The following LRRC4C variants were observed in gnomAD, a reference collection of about 807,000 sequenced individuals.
The protein encoded by LRRC4C is leucine-rich repeat-containing protein 4C.
Under a neutral mutation model 33.6 loss-of-function variants are expected in LRRC4C, and 5 were observed. The observed-to-expected ratio is 0.15, with a 90% CI of 0.08 to 0.31. LRRC4C has a LOEUF of 0.31. Ranked by LOEUF, LRRC4C falls within the 10% of genes least tolerant of loss-of-function variation. The pLI, the probability that LRRC4C is intolerant of heterozygous loss-of-function variation, is 1.00. For synonymous variants in LRRC4C, 329 were observed against 302.0 expected, an observed-to-expected ratio of 1.09 and a Z score of -0.93; for missense variants, 560 against 796.7, an observed-to-expected ratio of 0.70 and a Z score of 3.58.
intron 1 of LRRC4C, among the ~76,000 whole-genome samples, chr11:41,017,229 A>T (rs1244517848): frequency 6.6e-6 from 1 of 152,176 alleles, no homozygotes; most frequent in Non-Finnish European, 1.5e-5. Context: ...AGTTGAACAA[A>T]CATTTGGGTC....
intron 2 of LRRC4C, among the ~76,000 whole-genome samples, chr11:40,670,930 A>G (rs923874854): frequency 6.6e-6 from 1 of 151,930 alleles, no homozygotes; most frequent in Non-Finnish European, 1.5e-5. Context: ...CGCCCTGCTA[A>G]TTTTTTGTAT....
At chr11:40,143,090 A>G (rs1857483952) in intron 5 of LRRC4C, among the ~76,000 whole-genome samples, 1 of 152,038 alleles carries the variant, frequency 6.6e-6, no homozygotes, top group Non-Finnish European at 1.5e-5. Flanking sequence ...GGATTGTATC[A>G]CCTCTACATC....
At chr11:40,484,043 C>T (rs551576242) in intron 3 of LRRC4C, among the ~76,000 whole-genome samples, 6 of 151,844 alleles carry the variant, frequency 4.0e-5, no homozygotes, top group South Asian at 2.1e-4. Flanking sequence ...ATCAATTTGG[C>T]GAAAATTTTG....
chr11:40,772,698 TA>T (rs1370768534), intron 2 of LRRC4C, among the ~76,000 whole-genome samples: 1 of 152,132 alleles, frequency 6.6e-6, no homozygotes, highest in Non-Finnish European at 1.5e-5. Context: ...ACACAGGCAA[TA>T]ATGAATACTG....
chr11:41,447,720 C>A (rs570201441), intron 1 of LRRC4C, among the ~76,000 whole-genome samples: 20 of 152,082 alleles, frequency 1.3e-4, no homozygotes, highest in African/African-American at 4.8e-4. Context: ...CCACAATCTA[C>A]GACACAAAAA....
At chr11:41,253,611 C>T (rs1329187083) in intron 1 of LRRC4C, among the ~76,000 whole-genome samples, 3 of 152,096 alleles carry the variant, frequency 2.0e-5, no homozygotes, top group African/African-American at 7.2e-5. Flanking sequence ...AGGTACATAA[C>T]ACTAACCAAG....
rs114460953 is a variant in LRRC4C at position 40,412,716 on chromosome 11, G to A, written c.-269-92995C>T. On this transcript the variant is annotated intron_variant, in intron 3 of 6. Coordinates refer to ENST00000528697, the MANE Select transcript of LRRC4C (RefSeq NM_001258419.2). Reference sequence around the variant, plus strand: ...GATTGTAGTTAAGAGCATTTGTCCCGGAGTTAGGCTATGAAGGCTCAAATT... The same window carrying A: ...GATTGTAGTTAAGAGCATTTGTCCCAGAGTTAGGCTATGAAGGCTCAAATT... Among the ~76,000 whole-genome samples, 856 of 152,016 alleles carry A rather than the reference G, an allele frequency of 5.6e-3. 9 individuals carry two copies. The highest frequency in any genetic ancestry group is 0.02 in the African/African-American group (816 of 41,488).
At chr11:40,921,306 C>T (rs1335896097) in intron 2 of LRRC4C, among the ~76,000 whole-genome samples, 1 of 152,068 alleles carries the variant, frequency 6.6e-6, no homozygotes, top group Non-Finnish European at 1.5e-5. Context: ...AAATTTGAAA[C>T]AGAAAAGTAA....
At chr11:40,151,054 C>T (rs996757483) in intron 5 of LRRC4C, among the ~76,000 whole-genome samples, 6 of 152,150 alleles carry the variant, frequency 3.9e-5, no homozygotes, top group African/African-American at 1.4e-4. Flanking sequence ...CAAGGGATCA[C>T]CTCCACCTCC....
intron 5 of LRRC4C, among the ~76,000 whole-genome samples, chr11:40,206,684 A>C (rs1863182349): frequency 6.6e-6 from 1 of 152,138 alleles, no homozygotes; most frequent in African/African-American, 2.4e-5. Flanking sequence ...ATGTCTATTA[A>C]AGATGTGTGT....
chr11:41,317,786 T>C (rs1325596143), intron 1 of LRRC4C, among the ~76,000 whole-genome samples: 1 of 152,136 alleles, frequency 6.6e-6, no homozygotes, highest in Non-Finnish European at 1.5e-5. Flanking sequence ...AGTAAACATA[T>C]ACAATTTTGC....
At chr11:40,714,685 T>C (rs967886808) in intron 2 of LRRC4C, among the ~76,000 whole-genome samples, 3 of 152,080 alleles carry the variant, frequency 2.0e-5, no homozygotes, top group Non-Finnish European at 2.9e-5. Flanking sequence ...ATGATTATTA[T>C]AAAAAATAGT....
Position 40,985,827 on chromosome 11 carries a change from T to C in LRRC4C, c.-495-52104A>G, listed in dbSNP as rs1489237434. ...TTTAAAAAATTGACAAGTAGATGGA[T>C]TGTAGAATAGATAGTATTCATTGTG... On this transcript the variant is annotated intron_variant, in intron 1 of 6. Coordinates refer to ENST00000528697, the MANE Select transcript of LRRC4C (RefSeq NM_001258419.2). Among the ~76,000 whole-genome samples the C allele has an allele frequency of 4.6e-5, 7 of 152,128 alleles. No homozygotes were observed. In the East Asian group the frequency reaches 7.7e-4, roughly 17 times the overall value.
intron 1 of LRRC4C, among the ~76,000 whole-genome samples, chr11:41,107,773 A>G (rs974148022): frequency 6.6e-5 from 10 of 152,128 alleles, no homozygotes; most frequent in African/African-American, 2.2e-4. Context: ...CCCCACATCT[A>G]TTGAAAATAC....
intron 1 of LRRC4C, among the ~76,000 whole-genome samples, chr11:41,330,507 G>A (rs1447121): frequency 0.36 from 55,176 of 151,896 alleles, 12,228 homozygotes; most frequent in Non-Finnish European, 0.48. Context: ...GTCAACATGT[G>A]GTCCTCATTT....
intron 1 of LRRC4C, among the ~76,000 whole-genome samples, chr11:41,412,991 T>G (rs1954545346): frequency 6.6e-6 from 1 of 152,230 alleles, no homozygotes; most frequent in Non-Finnish European, 1.5e-5. Flanking sequence ...TTTTCTTTTC[T>G]TTTTCAAATT....
At chr11:40,767,479 A>G (rs372081126) in intron 2 of LRRC4C, among the ~76,000 whole-genome samples, 1 of 152,100 alleles carries the variant, frequency 6.6e-6, no homozygotes, top group Non-Finnish European at 1.5e-5. Flanking sequence ...ATGAAACTAA[A>G]AGATATTTAC....
intron 2 of LRRC4C, among the ~76,000 whole-genome samples, chr11:40,743,827 C>A (rs971447754): frequency 1.3e-5 from 2 of 152,166 alleles, no homozygotes; most frequent in Admixed American, 1.3e-4. Context: ...TTGTCCTCTT[C>A]ACTCCTGTGC....
At chr11:41,384,596 C>T (rs1271973454) in intron 1 of LRRC4C, among the ~76,000 whole-genome samples, 1 of 151,200 alleles carries the variant, frequency 6.6e-6, no homozygotes, top group African/African-American at 2.4e-5. Context: ...CATCTAAATT[C>T]AATGGTAATG....
Sources: gnomAD v4.1 joint callset for allele counts (sites outside exome capture counted in the v4.1 genomes callset) on GRCh38, gnomAD v4.1.1 for gene constraint, MANE v1.5 for transcripts, NCBI Gene and HGNC (gene_info 2026-07-23, HGNC 2026-07-21) for gene names.